SH3RF3: variants seen among roughly 807,000 people sequenced by gnomAD.
SH3RF3 encodes the protein E3 ubiquitin-protein ligase SH3RF3.
Under a neutral mutation model 66.3 loss-of-function variants are expected in SH3RF3, and 29 were observed. The observed-to-expected ratio is 0.44, with a 90% CI of 0.33 to 0.60. The LOEUF (loss-of-function observed/expected upper bound fraction) is 0.60. Ranked by LOEUF, SH3RF3 falls within the 20% of genes least tolerant of loss-of-function variation. The pLI is 0.04. For synonymous variants in SH3RF3, 583 were observed against 532.0 expected, an observed-to-expected ratio of 1.10 and a Z score of -1.32; for missense variants, 1,194 against 1,190.9, an observed-to-expected ratio of 1.00 and a Z score of -0.04.
intron 5 of SH3RF3, among the ~76,000 whole-genome samples, chr2:109,430,813 T>A (rs1677188054): frequency 1.3e-5 from 2 of 152,222 alleles, no homozygotes; most frequent in South Asian, 4.1e-4. Flanking sequence ...CCAGAGTTGG[T>A]CCTAATTTCA....
chr2:109,210,149 A>G (rs918954248), intron 1 of SH3RF3, among the ~76,000 whole-genome samples: 1 of 152,154 alleles, frequency 6.6e-6, no homozygotes, highest in Non-Finnish European at 1.5e-5. Context: ...TTCCTCCTTC[A>G]TGCTGAATAA....
chr2:109,215,139 C>T (rs113751941), intron 1 of SH3RF3, among the ~76,000 whole-genome samples: 4 of 152,296 alleles, frequency 2.6e-5, no homozygotes, highest in African/African-American at 9.6e-5. Context: ...TAAGCATCTA[C>T]GTGTCTTTCT....
intron 1 of SH3RF3, among the ~76,000 whole-genome samples, chr2:109,278,920 G>A (rs1472259154): frequency 9.2e-5 from 14 of 152,184 alleles, no homozygotes; most frequent in Non-Finnish European, 1.9e-4. Flanking sequence ...TAGTACACCC[G>A]AGGCTCCGTG....
chr2:109,212,378 C>T (rs900782013), intron 1 of SH3RF3, among the ~76,000 whole-genome samples: 8 of 152,206 alleles, frequency 5.3e-5, no homozygotes, highest in African/African-American at 1.9e-4. Context: ...GCTGGTTATA[C>T]GTGACTATAA....
At position 109,130,057 on chromosome 2, in the gene SH3RF3, A is replaced by G; in HGVS notation, c.517A>G (p.Ser173Gly). 1 of 1,367,962 alleles carries G rather than the reference A, an allele frequency of 7.3e-7. No individual in the cohort carries two copies. The highest frequency in any genetic ancestry group is 9.4e-7 in the Non-Finnish European group (1 of 1,062,244). 84.7% of individuals were successfully genotyped at this position (1,367,962 alleles called of 1,614,324 possible). A position where few individuals can be genotyped will look rare whatever the true frequency, so the allele number is the denominator to read the frequency against. Reference sequence around the variant, plus strand: ...GGTTTTCCTCTCCGCGGCCGCGGGCAGCACCGCCGGCAGTCTGCGGGAGCT... The same window carrying G: ...GGTTTTCCTCTCCGCGGCCGCGGGCGGCACCGCCGGCAGTCTGCGGGAGCT... ...SPVFLSAAAG[S>G]TAGSLRELAT... The change falls in exon 1 of 10, where the codon AGC becomes GGC. Residue 173 changes from serine (S) to glycine (G), a missense_variant. Coordinates refer to ENST00000309415, the MANE Select transcript of SH3RF3 (RefSeq NM_001099289.3).
At chr2:109,230,684 G>GT (rs1249239559) in intron 1 of SH3RF3, among the ~76,000 whole-genome samples, 1 of 152,186 alleles carries the variant, frequency 6.6e-6, no homozygotes, top group Non-Finnish European at 1.5e-5. Context: ...TCAGAAAATC[G>GT]TAAGTCGGGG....
intron 3 of SH3RF3, among the ~76,000 whole-genome samples, chr2:109,393,511 A>G (rs1311450391): frequency 1.3e-5 from 2 of 152,186 alleles, no homozygotes; most frequent in African/African-American, 4.8e-5. Context: ...GTCTTTGAGC[A>G]GAGCCCAGGA....
chr2:109,377,313 G>A (rs571011906), intron 3 of SH3RF3, among the ~76,000 whole-genome samples: 30 of 152,304 alleles, frequency 2.0e-4, no homozygotes, highest in African/African-American at 6.3e-4. Context: ...GGTGAGCAAT[G>A]GGTCACAGAT....
chr2:109,412,102 C>T (rs141832961), intron 4 of SH3RF3, among the ~76,000 whole-genome samples: 342 of 152,344 alleles, frequency 2.2e-3, no homozygotes, highest in Middle Eastern at 6.8e-3. Flanking sequence ...GTTGGACTCA[C>T]GCAGGGCAGT....
intron 1 of SH3RF3, among the ~76,000 whole-genome samples, chr2:109,133,036 C>T (rs551978433): frequency 4.6e-5 from 7 of 152,154 alleles, no homozygotes; most frequent in Non-Finnish European, 8.8e-5. Context: ...CGGCTAGGCA[C>T]TATTATAGGT....
At chr2:109,295,997 T>C (rs1176032417) in intron 1 of SH3RF3, among the ~76,000 whole-genome samples, 2 of 152,116 alleles carry the variant, frequency 1.3e-5, no homozygotes, top group African/African-American at 4.8e-5. Flanking sequence ...GGTTGGAGAC[T>C]GACATCTGTG....
chr2:109,328,575 T>G (rs547977220), intron 1 of SH3RF3, among the ~76,000 whole-genome samples: 18 of 152,358 alleles, frequency 1.2e-4, no homozygotes, highest in Middle Eastern at 6.8e-3. Flanking sequence ...GACAGTGCAT[T>G]CAGAATCATC....
At chr2:109,398,265 C>A (rs1487112710) in intron 3 of SH3RF3, among the ~76,000 whole-genome samples, 1 of 152,204 alleles carries the variant, frequency 6.6e-6, no homozygotes, top group Non-Finnish European at 1.5e-5. Flanking sequence ...TAGTCCCTCA[C>A]TGTCTGCAAG....
intron 3 of SH3RF3, among the ~76,000 whole-genome samples, chr2:109,381,418 G>A (rs1192994199): frequency 6.6e-6 from 1 of 152,152 alleles, no homozygotes; most frequent in Non-Finnish European, 1.5e-5. Flanking sequence ...GGGCCCTGCT[G>A]GTCTCAGCAC....
In SH3RF3 at chr2:109,160,488, C is replaced by G. The variant is rs111899429; in HGVS notation, c.573+30375C>G. Among the ~76,000 whole-genome samples, 425 of 152,346 alleles carry G rather than the reference C, an allele frequency of 2.8e-3. 2 individuals are homozygous for G. The highest frequency in any genetic ancestry group is 9.4e-3 in the African/African-American group (392 of 41,580). On this transcript the variant is annotated intron_variant, in intron 1 of 9. Transcript: ENST00000309415. ...GTCCCAAGAGGACGCAGCTGAAAGACCCTCTGGCAGGGAGAACGTGTGAGG... is the reference window on the plus strand; with the variant it reads ...GTCCCAAGAGGACGCAGCTGAAAGAGCCTCTGGCAGGGAGAACGTGTGAGG...
chr2:109,136,267 A>G lies in SH3RF3; in HGVS notation c.573+6154A>G, dbSNP rs77550045. On this transcript the variant is annotated intron_variant, in intron 1 of 9. Transcript: ENST00000309415. ...CATCAGCAAGCATTTGCTGGGGGAA[A>G]TGCTCTTGATAGCACCACTTGAAGA... 9.5e-3 allele frequency among the ~76,000 whole-genome samples: 1,451 copies of G among 152,240 alleles called. 36 individuals are homozygous for G. The highest frequency in any genetic ancestry group is 0.033 in the African/African-American group (1,367 of 41,524).
chr2:109,209,111 T>A (rs1678908665), intron 1 of SH3RF3, among the ~76,000 whole-genome samples: 1 of 152,206 alleles, frequency 6.6e-6, no homozygotes, highest in African/African-American at 2.4e-5. Flanking sequence ...GTTGCCCAAC[T>A]TTTTCTACTG....
intron 1 of SH3RF3, among the ~76,000 whole-genome samples, chr2:109,146,525 CT>C (rs1231980955): frequency 6.6e-6 from 1 of 152,132 alleles, no homozygotes. Context: ...CTTCCTAGCA[CT>C]TTCTTGTTTC....
chr2:109,379,440 G>A (rs1025474420), intron 3 of SH3RF3, among the ~76,000 whole-genome samples: 9 of 152,112 alleles, frequency 5.9e-5, no homozygotes, highest in African/African-American at 2.2e-4. Context: ...TCGCATGTTT[G>A]TTTCACTGCT....
Sources: gnomAD v4.1 joint callset for allele counts (sites outside exome capture counted in the v4.1 genomes callset) on GRCh38, gnomAD v4.1.1 for gene constraint, MANE v1.5 for transcripts, NCBI Gene and HGNC (gene_info 2026-07-23, HGNC 2026-07-21) for gene names.